The following ZNF808 variants were observed in gnomAD, a reference collection of about 807,000 sequenced individuals.
The protein encoded by ZNF808 is zinc finger protein 808.
Under a neutral mutation model 8.7 loss-of-function variants are expected in ZNF808, and 5 were observed. The observed-to-expected ratio is 0.58, with a 90% CI of 0.30 to 1.21. The LOEUF is 1.21. ZNF808 is among the 50% of genes most tolerant of loss of function. ZNF808 has a pLI of 0.07. For synonymous variants in ZNF808, 380 were observed against 366.0 expected (o/e 1.04, Z -0.44); for missense variants, 1,103 against 1,098.4 (o/e 1.00, Z -0.06).
downstream of ZNF808, among the ~76,000 whole-genome samples, chr19:52,561,206 C>CTATA (rs2059856630): frequency 5.7e-5 from 2 of 35,340 alleles, no homozygotes; most frequent in Non-Finnish European, 1.2e-4. Context: ...CTCTCTCTCT[C>CTATA]TCTCTCTATA....
chr19:52,557,771 C>T (rs1013359415), downstream of ZNF808, among the ~76,000 whole-genome samples: 6 of 152,134 alleles, frequency 3.9e-5, no homozygotes, highest in South Asian at 2.1e-4. Context: ...CATAGGTATG[C>T]GTAAGATGCT....
downstream of ZNF808, among the ~76,000 whole-genome samples, chr19:52,560,763 T>G (rs1158059775): frequency 2.0e-5 from 3 of 152,182 alleles, no homozygotes; most frequent in Non-Finnish European, 4.4e-5. Flanking sequence ...TCTATCCCAG[T>G]GGAATTATAT....
Position 52,555,801 on chromosome 19 carries a change from A to G in ZNF808, c.*173A>G. 1 of 1,010,184 alleles carries G rather than the reference A, an allele frequency of 9.9e-7. No individual in the cohort carries two copies. Among genetic ancestry groups the G allele is most frequent in the East Asian group, 2.5e-5 (1 of 39,330 alleles). The allele number at this position is 1,010,184 out of a possible 1,614,324, so 62.6% of individuals were successfully genotyped here. A position where few individuals can be genotyped will look rare whatever the true frequency, so the allele number is the denominator to read the frequency against. On this transcript the variant is annotated 3_prime_UTR_variant, in exon 5 of 5. Coordinates refer to ENST00000359798, the MANE Select transcript of ZNF808 (RefSeq NM_001039886.4). ...ACTGGAGAGAAACCTTACAAATGTC[A>G]TGATTGAGGCAAGGTCTTCAGTCAA...
chr19:52,552,501 C>T (rs1365305309), intron 4 of ZNF808, among the ~76,000 whole-genome samples: 1 of 151,626 alleles, frequency 6.6e-6, no homozygotes. Flanking sequence ...CAACCTCTGC[C>T]TCCCGTGTTG....
At chr19:52,529,392 A>T (rs2123052240) in intron 1 of ZNF808, among the ~76,000 whole-genome samples, 1 of 152,256 alleles carries the variant, frequency 6.6e-6, no homozygotes, top group South Asian at 2.1e-4. Context: ...AAAAGAAAAA[A>T]TGGGGCGAGA....
chr19:52,535,508 GC>G (rs2059599329), intron 2 of ZNF808, among the ~76,000 whole-genome samples: 1 of 151,886 alleles, frequency 6.6e-6, no homozygotes, highest in South Asian at 2.1e-4. Context: ...TCCGCCCCGT[GC>G]CCGCATCCCT....
downstream of ZNF808, among the ~76,000 whole-genome samples, chr19:52,556,996 G>C (rs1399715291): frequency 6.6e-6 from 1 of 151,994 alleles, no homozygotes; most frequent in African/African-American, 2.4e-5. Context: ...TTTTTTAAAT[G>C]GAGTCTCGCT....
At chr19:52,561,178 C>T (rs867720185), downstream of ZNF808, among the ~76,000 whole-genome samples, 314 of 44,556 alleles carry the variant, frequency 7.0e-3, 3 homozygotes, top group Admixed American at 0.018. Flanking sequence ...CTCTCTCTCT[C>T]TCTCTCTCTC....
chr19:52,541,837 C>CCTT (rs971000801), intron 2 of ZNF808, among the ~76,000 whole-genome samples: 1 of 152,152 alleles, frequency 6.6e-6, no homozygotes, highest in African/African-American at 2.4e-5. Flanking sequence ...CCAGTTGTCT[C>CCTT]AGCTGTCTCC....
chr19:52,548,612 T>A (rs1352064669), intron 4 of ZNF808, among the ~76,000 whole-genome samples: 1 of 152,122 alleles, frequency 6.6e-6, no homozygotes, highest in Non-Finnish European at 1.5e-5. Context: ...CTATTACAGA[T>A]GGCAGTTTCA....
chr19:52,558,017 C>CTTTT (rs66789100), downstream of ZNF808, among the ~76,000 whole-genome samples: 63 of 46,358 alleles, frequency 1.4e-3, no homozygotes, highest in African/African-American at 2.2e-3. Context: ...CTAGGTGTGG[C>CTTTT]TTTTTTTTTT....
At chr19:52,534,088 C>T (rs530689293) in intron 2 of ZNF808, among the ~76,000 whole-genome samples, 9 of 152,146 alleles carry the variant, frequency 5.9e-5, no homozygotes, top group African/African-American at 1.7e-4. Context: ...TTTGGGAGGC[C>T]GAGGCTTCCG....
At chr19:52,533,068 T>A (rs2059575148) in intron 2 of ZNF808, 59 bp downstream of exon 2, 1 of 152,344 alleles carries the variant, frequency 6.6e-6, no homozygotes, top group South Asian at 2.1e-4. Context: ...GTATAATTCC[T>A]CCTTTGAAAT....
Position 52,554,706 on chromosome 19 carries a change from G to A in ZNF808, c.1790G>A (p.Cys597Tyr), listed in dbSNP as rs749482775. ...CATACTGGAGAGAAACCTTACAAAT[G>A]TGAAGCATGTGACAAAGTTTTTGGT... ...RLHTGEKPYK[C>Y]EACDKVFGQK... The change falls in exon 5 of 5, where the codon TGT becomes TAT. Residue 597 changes from cysteine (C) to tyrosine (Y), a missense_variant. Cys to Tyr is a radical substitution (Grantham distance 194). Transcript: ENST00000359798. The A allele has an allele frequency of 9.9e-6, 16 of 1,613,940 alleles. No homozygotes were observed. The South Asian group carries it at 1.8e-4, about 18-fold the overall frequency.
In ZNF808 at chr19:52,534,859, A is replaced by G. The variant is rs755744700; in HGVS notation, c.-20+1850A>G. Among the ~76,000 whole-genome samples the G allele has an allele frequency of 8.2e-4, 125 of 152,182 alleles. 1 individual carries two copies. Among genetic ancestry groups the G allele is most frequent in the Non-Finnish European group, 3.1e-4 (21 of 68,034 alleles). ...AGCCACGATCTCGCAACTGCACCCC[A>G]GCATGGGCCACAGAGAAATACTCTG... On this transcript the variant is annotated intron_variant, in intron 2 of 4. Transcript: ENST00000359798.
At chr19:52,567,380 T>C (rs181664080), downstream of ZNF808, among the ~76,000 whole-genome samples, 1 of 151,826 alleles carries the variant, frequency 6.6e-6, no homozygotes, top group East Asian at 1.9e-4. Context: ...GTTCCCTTTG[T>C]TTTTGAGGTC....
chr19:52,567,486 T>TTATTA (rs1568496925), downstream of ZNF808, among the ~76,000 whole-genome samples: 62 of 37,184 alleles, frequency 1.7e-3, no homozygotes, highest in African/African-American at 3.2e-3. Context: ...AGCTGTATTT[T>TTATTA]TTATTATTAT....
At chr19:52,530,402 G>A (rs951509291) in intron 1 of ZNF808, among the ~76,000 whole-genome samples, 13 of 151,960 alleles carry the variant, frequency 8.6e-5, no homozygotes, top group African/African-American at 2.7e-4. Flanking sequence ...GGTGGCTCAC[G>A]CCTGTAATCC....
chr19:52,563,140 T>C (rs1449305936), intron 3 of ZNF808, among the ~76,000 whole-genome samples: 2 of 152,170 alleles, frequency 1.3e-5, no homozygotes, highest in African/African-American at 4.8e-5. Flanking sequence ...AAGGTAGTGA[T>C]CTTAAATGTA....
Sources: allele counts gnomAD v4.1 joint callset (sites outside exome capture counted in the v4.1 genomes callset), GRCh38; gene constraint gnomAD v4.1.1; transcripts MANE v1.5; gene names NCBI Gene and HGNC (gene_info 2026-07-23, HGNC 2026-07-21).